ABHD12B: variants seen among roughly 807,000 people sequenced by gnomAD.
The protein encoded by ABHD12B is abhydrolase domain containing 12B.
In ABHD12B, 42 loss-of-function variants were observed where a neutral mutation model predicts 50.4. The ratio of observed to expected loss-of-function variants is 0.83; its 90% CI spans 0.65 to 1.08. The LOEUF is 1.08. ABHD12B is among the 50% of genes least tolerant of loss of function. The pLI, the probability that ABHD12B is intolerant of heterozygous loss-of-function variation, is 0.00. For missense variants in ABHD12B, 479 were observed against 447.7 expected (o/e 1.07, Z -0.63); for synonymous variants, 167 against 160.3 (o/e 1.04, Z -0.32).
chr14:50,885,416 C>G (rs185324927), intron 5 of ABHD12B, among the ~76,000 whole-genome samples, 198 bp from the exon 6 acceptor site: 2 of 152,222 alleles, frequency 1.3e-5, no homozygotes, highest in Non-Finnish European at 2.9e-5. Context: ...GCAACAAACT[C>G]TCTTTTAAAT....
In ABHD12B at chr14:50,886,637, T is replaced by A. The variant is rs578256505; in HGVS notation, c.663-10T>A. 1.7e-5 allele frequency: 27 copies of A among 1,607,622 alleles called. No individual in the cohort carries two copies. In the Admixed American group the frequency reaches 4.5e-4, roughly 27 times the overall value. On this transcript the variant is annotated splice_polypyrimidine_tract_variant and intron_variant, in intron 7 of 12. Coordinates refer to ENST00000337334, the MANE Select transcript of ABHD12B (RefSeq NM_001206673.2). ...GCTTAACACATGTACTAATTTTCAT[T>A]GCTTTACAGAGTTGCAACAAATGCT...
rs561900752 is a variant in ABHD12B, at chr14:50,900,322, C to T, written c.781-1507C>T. 4.6e-5 allele frequency among the ~76,000 whole-genome samples: 7 copies of T among 152,226 alleles called. No individual in the cohort carries two copies. The South Asian group carries it at 1.2e-3, about 27-fold the overall frequency. ...AAATGACAGATAATAACAAAGTGTA[C>T]GCCAGGGATATTTGCACAATAGACT... On this transcript the variant is annotated intron_variant, in intron 9 of 12. Coordinates refer to ENST00000337334, the MANE Select transcript of ABHD12B (RefSeq NM_001206673.2).
intron 9 of ABHD12B, among the ~76,000 whole-genome samples, chr14:50,899,920 T>TAA (rs1326712749): frequency 4.2e-5 from 5 of 120,440 alleles, no homozygotes; most frequent in South Asian, 2.6e-4. Context: ...AGACTCTGTC[T>TAA]AAAAAAAAAA....
chr14:50,884,534 T>A (rs60674657), intron 5 of ABHD12B, among the ~76,000 whole-genome samples: 1,762 of 152,292 alleles, frequency 0.012, 34 homozygotes, highest in African/African-American at 0.04. Context: ...AGTTGGGTGA[T>A]GTTAAATAAG....
intron 3 of ABHD12B, 121 bp from the exon 4 acceptor site, chr14:50,880,331 C>A: frequency 9.4e-7 from 1 of 1,060,890 alleles, no homozygotes; most frequent in Non-Finnish European, 1.2e-6. Flanking sequence ...TTGCCATGTG[C>A]ATATATTAGT....
Position 50,904,114 on chromosome 14 carries a change from G to T in ABHD12B, c.983G>T (p.Arg328Met). ...CGCAATGCATACAGGAACAAAGAGA[G>T]GGTCAAGATGGTTATCTTTCCTCCT... ...IARNAYRNKE[R>M]VKMVIFPPGF... Residue 328 changes from arginine to methionine, a missense_variant, in exon 12 of 13, where the codon AGG becomes ATG. Arg to Met is a moderately conservative substitution (Grantham distance 91). Transcript: ENST00000337334. 6.2e-7 allele frequency: 1 copy of T among 1,614,100 alleles called. No individual in the cohort carries two copies.
intron 5 of ABHD12B, among the ~76,000 whole-genome samples, 186 bp downstream of exon 5, chr14:50,881,812 A>G (rs2049953151): frequency 6.6e-6 from 1 of 152,118 alleles, no homozygotes; most frequent in Non-Finnish European, 1.5e-5. Flanking sequence ...TCAAAACAGA[A>G]CCGAGCTTCT....
intron 9 of ABHD12B, chr14:50,892,975 C>G (rs773167059): frequency 1.3e-5 from 2 of 152,164 alleles, no homozygotes; most frequent in Non-Finnish European, 2.9e-5. Flanking sequence ...CCTTAAATCT[C>G]TCAAGATCCA....
At position 50,872,074 on chromosome 14, in the gene ABHD12B, G is replaced by T. The variant is rs567360552; in HGVS notation, c.-101G>T. The T allele has an allele frequency of 2.3e-6, 2 of 874,704 alleles. No individual in the cohort carries two copies. Among genetic ancestry groups the T allele is most frequent in the Admixed American group, 4.6e-5 (1 of 21,520 alleles). The allele number at this position is 874,704 out of a possible 1,614,324, so 54.2% of individuals were successfully genotyped here. Reference sequence around the variant, plus strand: ...TACCAGCCTGCCTGACCGCGCGGAGGAGGAGGGCGGGCGCGGTGCCGCCGG... The same window carrying T: ...TACCAGCCTGCCTGACCGCGCGGAGTAGGAGGGCGGGCGCGGTGCCGCCGG... On this transcript the variant is annotated 5_prime_UTR_variant, in exon 1 of 13. Coordinates refer to ENST00000337334, the MANE Select transcript of ABHD12B (RefSeq NM_001206673.2).
intron 9 of ABHD12B, among the ~76,000 whole-genome samples, chr14:50,900,675 T>A (rs2050251986): frequency 6.6e-6 from 1 of 151,946 alleles, no homozygotes; most frequent in South Asian, 2.1e-4. Context: ...AATATAGAGA[T>A]CTCAGGCTGG....
intron 9 of ABHD12B, among the ~76,000 whole-genome samples, chr14:50,898,378 G>T (rs1052995407): frequency 6.6e-5 from 10 of 152,186 alleles, no homozygotes; most frequent in African/African-American, 2.4e-4. Context: ...GATGTGCATG[G>T]GCTTGCTGTC....
intron 5 of ABHD12B, among the ~76,000 whole-genome samples, chr14:50,882,147 G>T (rs2049961331): frequency 2.0e-5 from 3 of 151,296 alleles, no homozygotes; most frequent in South Asian, 2.1e-4. Flanking sequence ...TGTTGGCCAG[G>T]CTGGTCTTGA....
At chr14:50,875,578 C>T (rs1480066338) in intron 1 of ABHD12B, among the ~76,000 whole-genome samples, 1 of 152,162 alleles carries the variant, frequency 6.6e-6, no homozygotes, top group African/African-American at 2.4e-5. Context: ...ACCAAGGTGG[C>T]CGTTTGATGT....
chr14:50,896,423 G>T (rs900556905), intron 9 of ABHD12B, among the ~76,000 whole-genome samples: 1 of 152,138 alleles, frequency 6.6e-6, no homozygotes, highest in African/African-American at 2.4e-5. Flanking sequence ...CCAAGCCATC[G>T]CATCCCCTGT....
chr14:50,891,192 T>C (rs1161934302), intron 9 of ABHD12B: 1 of 152,168 alleles, frequency 6.6e-6, no homozygotes, highest in East Asian at 1.9e-4. Flanking sequence ...AAATATATTG[T>C]ATTATTTTGT....
At chr14:50,883,277 C>T (rs888026460) in intron 5 of ABHD12B, among the ~76,000 whole-genome samples, 1 of 152,192 alleles carries the variant, frequency 6.6e-6, no homozygotes, top group Admixed American at 6.5e-5. Context: ...TGGCTCCCAC[C>T]TTGGAGTTCT....
chr14:50,886,478 A>G (rs1442050258), intron 7 of ABHD12B, among the ~76,000 whole-genome samples, 169 bp from the exon 8 acceptor site: 1 of 149,998 alleles, frequency 6.7e-6, no homozygotes, highest in African/African-American at 2.5e-5. Flanking sequence ...AAAGAAAATG[A>G]CCCCCTTAGT....
chr14:50,889,508 C>T (rs541572618), intron 9 of ABHD12B, among the ~76,000 whole-genome samples: 7 of 152,156 alleles, frequency 4.6e-5, no homozygotes, highest in South Asian at 2.1e-4. Flanking sequence ...TGTGGCGGCA[C>T]GCACCTGTAG....
chr14:50,903,473 CT>C lies in ABHD12B; in HGVS notation c.942+7del, dbSNP rs757044332. ...CTTTGGAGTATGGGAAAAAGGTAAACTAAGGGCTCAATGCTGACTGAAATAT... is the reference window on the plus strand; with the variant it reads ...CTTTGGAGTATGGGAAAAAGGTAAACAAGGGCTCAATGCTGACTGAAATAT... On this transcript the variant is annotated splice_region_variant and intron_variant, in intron 11 of 12. Coordinates refer to ENST00000337334, the MANE Select transcript of ABHD12B (RefSeq NM_001206673.2). 5.8e-5 allele frequency: 93 copies of C among 1,608,970 alleles called. No individual in the cohort carries two copies. The highest frequency in any genetic ancestry group is 7.1e-5 in the Non-Finnish European group (84 of 1,176,600).
Sources: allele counts gnomAD v4.1 joint callset (sites outside exome capture counted in the v4.1 genomes callset), GRCh38; gene constraint gnomAD v4.1.1; transcripts MANE v1.5; gene names NCBI Gene and HGNC (gene_info 2026-07-23, HGNC 2026-07-21).